The following RSPH14 variants were observed in gnomAD, a reference collection of about 807,000 sequenced individuals.
RSPH14 encodes radial spoke head 14 homolog, also known as rhabdoid tumor deletion region gene 1.
In RSPH14, 20 loss-of-function variants were observed where a neutral mutation model predicts 26.7. The ratio of observed to expected loss-of-function variants is 0.75; its 90% CI spans 0.53 to 1.09. RSPH14 has a LOEUF of 1.09. RSPH14 is among the 50% of genes least tolerant of loss of function. RSPH14 has a pLI of 0.00. For synonymous variants in RSPH14, 177 were observed against 189.3 expected (o/e 0.93, Z 0.53); for missense variants, 449 against 457.2 (o/e 0.98, Z 0.16).
intron 3 of RSPH14, among the ~76,000 whole-genome samples, chr22:23,138,545 G>C (rs778672854): frequency 6.6e-6 from 1 of 152,122 alleles, no homozygotes; most frequent in Non-Finnish European, 1.5e-5. Flanking sequence ...CTGGGTGACA[G>C]AGTGAGAGAC....
chr22:23,073,798 G>T (rs1409635752), intron 4 of RSPH14, among the ~76,000 whole-genome samples: 1 of 152,196 alleles, frequency 6.6e-6, no homozygotes, highest in Non-Finnish European at 1.5e-5. Flanking sequence ...ACTGTGCCAG[G>T]TGCAGGGGTA....
Position 23,071,072 on chromosome 22 carries a change from G to A in RSPH14, c.422-6939C>T, listed in dbSNP as rs2146237720. Among the ~76,000 whole-genome samples the A allele has an allele frequency of 6.6e-6, 1 of 152,354 alleles. No individual in the cohort carries two copies. The highest frequency in any genetic ancestry group is 1.5e-5 in the Non-Finnish European group (1 of 68,020). On this transcript the variant is annotated intron_variant, in intron 4 of 6. Coordinates refer to ENST00000216036, the MANE Select transcript of RSPH14 (RefSeq NM_014433.3). This position sits in a 1 kb window ranked among gnomAD's most constrained non-coding sequence, Gnocchi z 4.1. ...CTGGGCCCGAGGACCTGGGCCCGCA[G>A]ACGGACAGCTAGCAGTTCTCGGTCA...
chr22:23,059,443 A>G lies in RSPH14; in HGVS notation c.*19T>C. On this transcript the variant is annotated 3_prime_UTR_variant, in exon 7 of 7. Coordinates refer to ENST00000216036, the MANE Select transcript of RSPH14 (RefSeq NM_014433.3). ...AGAGACTTAGCACATTTATTCACTC[A>G]CAGAGGTGAATGAAGGGCTCAGGGT... The G allele has an allele frequency of 6.3e-7, 1 of 1,580,094 alleles. No individual in the cohort carries two copies. The highest frequency in any genetic ancestry group is 8.6e-7 in the Non-Finnish European group (1 of 1,159,048).
chr22:23,113,649 G>A (rs932197148), intron 4 of RSPH14, among the ~76,000 whole-genome samples: 1 of 152,216 alleles, frequency 6.6e-6, no homozygotes, highest in Non-Finnish European at 1.5e-5. Flanking sequence ...AGCACAGGGG[G>A]CCAACACCAC....
chr22:23,142,537 C>T (rs1009764594), upstream of RSPH14, among the ~76,000 whole-genome samples: 1 of 152,218 alleles, frequency 6.6e-6, no homozygotes, highest in Non-Finnish European at 1.5e-5. Context: ...AGGGTTTCGC[C>T]ATGTTGGCCA....
intron 4 of RSPH14, among the ~76,000 whole-genome samples, chr22:23,115,722 G>A (rs2069812047): frequency 1.3e-5 from 2 of 152,352 alleles, no homozygotes; most frequent in South Asian, 4.1e-4. Flanking sequence ...ACCTGAAGTT[G>A]GGGGCCGGGG....
At chr22:23,075,319 GAAAACTGCAGCAGGC>G (rs958078066) in intron 4 of RSPH14, among the ~76,000 whole-genome samples, 1 of 152,156 alleles carries the variant, frequency 6.6e-6, no homozygotes, top group African/African-American at 2.4e-5. Flanking sequence ...AACCCAAAGT[GAAAACTGCAGCAGGC>G]AATTGCCTGC....
At chr22:23,090,330 T>C (rs1002875396) in intron 4 of RSPH14, among the ~76,000 whole-genome samples, 11 of 152,124 alleles carry the variant, frequency 7.2e-5, no homozygotes, top group Non-Finnish European at 1.0e-4. Context: ...CCAGGCACTG[T>C]GCACCGTACA....
At chr22:23,090,048 G>A (rs1351717758) in intron 4 of RSPH14, among the ~76,000 whole-genome samples, 3 of 152,090 alleles carry the variant, frequency 2.0e-5, no homozygotes, top group Non-Finnish European at 4.4e-5. Flanking sequence ...CACCCTTCAC[G>A]CTGCAAACAC....
intron 4 of RSPH14, among the ~76,000 whole-genome samples, chr22:23,074,264 A>T (rs1458190201): frequency 6.6e-6 from 1 of 152,170 alleles, no homozygotes. Context: ...GCTGGGGGCC[A>T]TGAGGGGCTA....
At chr22:23,149,588 A>G (rs116275041), upstream of RSPH14, among the ~76,000 whole-genome samples, 974 of 152,342 alleles carry the variant, frequency 6.4e-3, 7 homozygotes, top group African/African-American at 0.023. Context: ...CCCAAGTTGG[A>G]GTGCAGTGGC....
chr22:23,180,406 G>T, the RSPH14 span: 1 of 169,946 alleles, frequency 5.9e-6, no homozygotes, highest in Non-Finnish European at 1.3e-5. Context: ...GCCTCCAGGG[G>T]GCCCCCCCGC....
chr22:23,063,594 T>C (rs538549861), intron 5 of RSPH14, among the ~76,000 whole-genome samples: 18 of 152,316 alleles, frequency 1.2e-4, no homozygotes, highest in African/African-American at 4.1e-4. Flanking sequence ...AGGCACTCAG[T>C]GACCGCTGGG....
At chr22:23,060,607 G>A (rs929145309) in intron 6 of RSPH14, among the ~76,000 whole-genome samples, 15 of 152,236 alleles carry the variant, frequency 9.9e-5, no homozygotes, top group African/African-American at 3.6e-4. Context: ...TGTCCTTGCC[G>A]GCCCTATGCT....
chr22:23,145,378 G>T (rs1470612560), upstream of RSPH14: 2 of 1,607,416 alleles, frequency 1.2e-6, no homozygotes, highest in Non-Finnish European at 1.7e-6. Flanking sequence ...GGTGATCGCC[G>T]GTGCAAGCTG....
At chr22:23,153,978 C>T in the RSPH14 span, among the ~76,000 whole-genome samples, 2 of 152,110 alleles carry the variant, frequency 1.3e-5, no homozygotes, top group African/African-American at 4.8e-5. Context: ...TGTGAGCCAC[C>T]GTACCCGGCC....
chr22:23,155,744 C>A, the RSPH14 span, among the ~76,000 whole-genome samples: 999 of 152,306 alleles, frequency 6.6e-3, 5 homozygotes, highest in Non-Finnish European at 0.011. Context: ...TGCCACACAC[C>A]CCCATCCACT....
chr22:23,179,643 T>C, the RSPH14 span: 1 of 153,824 alleles, frequency 6.5e-6, no homozygotes, highest in African/African-American at 2.4e-5. Flanking sequence ...CAGGTGTGGG[T>C]ATTGAGTGAC....
the RSPH14 span, chr22:23,161,698 C>A: frequency 1.3e-6 from 1 of 741,018 alleles, no homozygotes; most frequent in Non-Finnish European, 2.2e-6. Flanking sequence ...CCAGTCCCTC[C>A]ACCCACCCAC....
Sources: gnomAD v4.1 joint callset for allele counts (sites outside exome capture counted in the v4.1 genomes callset) on GRCh38, gnomAD v4.1.1 for gene constraint, Gnocchi (gnomAD v3.1) non-coding constraint, MANE v1.5 for transcripts, NCBI Gene and HGNC (gene_info 2026-07-23, HGNC 2026-07-21) for gene names.